Variants in ARPC1B observed in about 807,000 individuals in gnomAD.
ARPC1B encodes actin related protein 2/3 complex subunit 1B.
A neutral mutation model predicts 46.0 loss-of-function variants in ARPC1B; 29 were observed. The observed-to-expected ratio is 0.63, with a 90% CI of 0.47 to 0.86. The LOEUF (loss-of-function observed/expected upper bound fraction) is 0.86, where lower values mean the gene tolerates loss of function less well. Among genes scored for constraint, ARPC1B ranks in the 40% least tolerant of loss-of-function variants. The pLI is 0.00. For synonymous variants in ARPC1B, 201 were observed against 213.9 expected (o/e 0.94, Z 0.53); for missense variants, 469 against 529.4 (o/e 0.89, Z 1.12).
chr7:99,392,877 G>C lies in ARPC1B; in HGVS notation c.989+1G>C, dbSNP rs878880357. On this transcript the variant is annotated splice_donor_variant, in intron 8 of 9. Coordinates refer to ENST00000646101, the MANE Select transcript of ARPC1B (RefSeq NM_005720.4). LOFTEE classifies it high-confidence loss of function. ...ACTCGCTGCACAAGAACAGCGTCAG[G>C]TGAGAGCGGGAGCCGGGCCGGCGGG... is the stretch of plus-strand genomic sequence containing the variant. The C allele has an allele frequency of 6.5e-7, 1 of 1,536,236 alleles. No homozygotes were observed. The highest frequency in any genetic ancestry group is 8.8e-7 in the Non-Finnish European group (1 of 1,138,228).
rs772288164 is a variant in ARPC1B, at chr7:99,392,785, G to C, written c.898G>C (p.Glu300Gln). 6.5e-7 allele frequency: 1 copy of C among 1,549,874 alleles called. No individual in the cohort carries two copies. The highest frequency in any genetic ancestry group is 8.7e-7 in the Non-Finnish European group (1 of 1,146,736). ...CTCGCAGCGTGGCTTGACGGCCCGC[G>C]AGCGCTTCCAGAACCTGGACAAGAA... ...QSSQRGLTAR[E>Q]RFQNLDKKAS... Residue 300 changes from glutamate (E) to glutamine (Q), a missense_variant, in exon 8 of 10, where the codon GAG becomes CAG. Physicochemically the swap from Glu to Gln is conservative, Grantham distance 29. Transcript: ENST00000646101.
At chr7:99,384,048 C>G (rs1305958788) in intron 1 of ARPC1B, 1 of 152,446 alleles carries the variant, frequency 6.6e-6, no homozygotes, top group African/African-American at 2.4e-5. Context: ...CCTCCACTTC[C>G]AGGTCCCTGT....
chr7:99,389,776 C>T (rs1272852100), intron 4 of ARPC1B, 129 bp from the exon 5 acceptor site: 3 of 792,500 alleles, frequency 3.8e-6, no homozygotes, highest in Non-Finnish European at 4.2e-6. Flanking sequence ...CTGGCAATGC[C>T]CAGTCGCCTC....
chr7:99,379,056 C>T lies in ARPC1B; in HGVS notation c.-14+4275C>T, dbSNP rs573806385. Among the ~76,000 whole-genome samples the T allele has an allele frequency of 2.9e-3, 445 of 152,222 alleles. 2 individuals are homozygous for T. Among genetic ancestry groups the T allele is most frequent in the African/African-American group, 9.7e-3 (404 of 41,546 alleles). On this transcript the variant is annotated intron_variant, in intron 1 of 9. Transcript: ENST00000646101. ...CCTCCCAAAGTGCTGGGAGTATAGG[C>T]GTGAGCCACCACACCTGGCCAGAAT...
At chr7:99,386,923 A>G (rs1257443541) in intron 3 of ARPC1B, 134 bp downstream of exon 3, 9 of 693,774 alleles carry the variant, frequency 1.3e-5, no homozygotes, top group African/African-American at 1.1e-4. Flanking sequence ...ACTGGCTTCA[A>G]TTTTAAGGGG....
chr7:99,386,536 G>A (rs1436269912), intron 2 of ARPC1B, 149 bp from the exon 3 acceptor site: 4 of 763,886 alleles, frequency 5.2e-6, no homozygotes, highest in Middle Eastern at 2.3e-4. Flanking sequence ...AGCAGGGCCT[G>A]AAGGACTTCA....
At chr7:99,392,923 C>T (rs952322845) in intron 8 of ARPC1B, 47 bp downstream of exon 8, 3 of 1,493,606 alleles carry the variant, frequency 2.0e-6, no homozygotes, top group Non-Finnish European at 2.7e-6. Context: ...CTCGGCTCGC[C>T]CAGAAACAGC....
rs138310411 is a variant in ARPC1B, at chr7:99,391,067, C to T, written c.675C>T (p.Thr225=). 1.2e-5 allele frequency: 19 copies of T among 1,613,808 alleles called. No individual in the cohort carries two copies. In the East Asian group the frequency reaches 2.0e-4, roughly 17 times the overall value. The part of the protein sequence containing the change: ...SRVAWVSHDS[T]VCLADADKKM... ...TGGCCTGGGTAAGCCACGACAGCAC[C>T]GTCTGCCTGGCTGATGCCGACAAGA... Residue 225 remains threonine (T), a synonymous_variant, in exon 6 of 10, where the codon ACC becomes ACT. Transcript: ENST00000646101.
chr7:99,394,329 C>T (rs558654284), intron 9 of ARPC1B, 122 bp from the exon 10 acceptor site: 62 of 1,105,912 alleles, frequency 5.6e-5, no homozygotes, highest in Non-Finnish European at 8.3e-5. Flanking sequence ...AGCTGACAGA[C>T]TCCAAAACTG....
intron 1 of ARPC1B, among the ~76,000 whole-genome samples, chr7:99,381,548 G>A (rs1014791361): frequency 4.6e-5 from 7 of 152,140 alleles, no homozygotes; most frequent in Non-Finnish European, 1.0e-4. Context: ...GGGACCCACC[G>A]GGGTCCTGTT....
rs769898022 is a variant in ARPC1B, at chr7:99,388,031, C to T, written c.170-8C>T. ...TCAGCCTCCTGTGTTCCCTCCATCC[C>T]CCCACAGGCATCGACTGGGCCCCCG... On this transcript the variant is annotated splice_polypyrimidine_tract_variant and splice_region_variant and intron_variant, in intron 3 of 9. Transcript: ENST00000646101. The T allele has an allele frequency of 2.3e-5, 36 of 1,578,790 alleles. 1 individual carries two copies. The Admixed American group carries it at 6.0e-4, about 27-fold the overall frequency.
chr7:99,390,828 G>C, intron 5 of ARPC1B, 65 bp from the exon 6 acceptor site: 3 of 1,450,260 alleles, frequency 2.1e-6, no homozygotes, highest in Non-Finnish European at 2.8e-6. Context: ...CTCCTGAGTA[G>C]CTGAGAGTAC....
In ARPC1B at chr7:99,392,657, C is replaced by A; in HGVS notation, c.784-14C>A. 6.7e-7 allele frequency: 1 copy of A among 1,492,738 alleles called. No individual in the cohort carries two copies. The highest frequency in any genetic ancestry group is 9.0e-7 in the Non-Finnish European group (1 of 1,115,294). The allele number at this position is 1,492,738 out of a possible 1,614,324, so 92.5% of individuals were successfully genotyped here. On this transcript the variant is annotated splice_polypyrimidine_tract_variant and intron_variant, in intron 7 of 9. Transcript: ENST00000646101. The stretch of plus-strand genomic sequence containing the variant: ...CCCTCCGCGGCGCTCCAATGGCCCC[C>A]GCCCTCCGCGCAGGGCCACGACTGC...
At chr7:99,389,720 G>T in intron 4 of ARPC1B, 185 bp from the exon 5 acceptor site, 1 of 613,478 alleles carries the variant, frequency 1.6e-6, no homozygotes. Flanking sequence ...CTCCAGAAGC[G>T]ACACAGCACA....
rs776167322 is a variant in ARPC1B at position 99,389,941 on chromosome 7, C to T, written c.429C>T (p.Ser143=). 1.3e-5 allele frequency: 21 copies of T among 1,614,080 alleles called. No individual in the cohort carries two copies. Among genetic ancestry groups the T allele is most frequent in the Non-Finnish European group, 1.7e-5 (20 of 1,180,038 alleles). The part of the protein sequence containing the change: ...VCKHIKKPIR[S]TVLSLDWHPN... ...AGCACATCAAGAAGCCCATCCGCTC[C>T]ACCGTCCTCAGCCTGGACTGGCACC... The change falls in exon 5 of 10, where the codon TCC becomes TCT. Residue 143 remains serine (S), a synonymous_variant. Coordinates refer to ENST00000646101, the MANE Select transcript of ARPC1B (RefSeq NM_005720.4).
intron 4 of ARPC1B, chr7:99,388,619 C>T (rs1432970458): frequency 1.0e-5 from 2 of 194,516 alleles, no homozygotes; most frequent in East Asian, 2.5e-4. Context: ...CACTCACGAG[C>T]TCGCAGCCAC....
At chr7:99,375,150 C>T in intron 1 of ARPC1B, among the ~76,000 whole-genome samples, 1 of 152,142 alleles carries the variant, frequency 6.6e-6, no homozygotes, top group Non-Finnish European at 1.5e-5. Flanking sequence ...CAAGCTTCCG[C>T]CTCGTGCCTT....
intron 1 of ARPC1B, 73 bp from the exon 2 acceptor site, chr7:99,385,629 G>A (rs1301491536): frequency 1.5e-6 from 2 of 1,326,702 alleles, no homozygotes; most frequent in East Asian, 2.4e-5. Flanking sequence ...AGGATCATCT[G>A]GGGCCTGGTA....
chr7:99,379,308 C>G (rs1794135631), intron 1 of ARPC1B, among the ~76,000 whole-genome samples: 1 of 152,170 alleles, frequency 6.6e-6, no homozygotes, highest in Non-Finnish European at 1.5e-5. Context: ...CTTGACTTCA[C>G]TCTGCGTGGT....
Sources: allele counts gnomAD v4.1 joint callset (sites outside exome capture counted in the v4.1 genomes callset), GRCh38; gene constraint gnomAD v4.1.1; transcripts MANE v1.5; gene names NCBI Gene and HGNC (gene_info 2026-07-23, HGNC 2026-07-21).